CCDC178: variants seen among roughly 807,000 people sequenced by gnomAD.
The protein encoded by CCDC178 is coiled-coil domain-containing protein 178.
Under a neutral mutation model 117.4 loss-of-function variants are expected in CCDC178, and 126 were observed. The ratio of observed to expected loss-of-function variants is 1.07; its 90% CI spans 0.93 to 1.24. The LOEUF (loss-of-function observed/expected upper bound fraction) is 1.24, where lower values mean the gene tolerates loss of function less well. CCDC178 is among the 50% of genes most tolerant of loss of function. The pLI is 0.00. For missense variants in CCDC178, 1,030 were observed against 986.9 expected, an observed-to-expected ratio of 1.04 and a Z score of -0.59; for synonymous variants, 283 against 313.4, an observed-to-expected ratio of 0.90 and a Z score of 1.02.
intron 20 of CCDC178, among the ~76,000 whole-genome samples, chr18:33,155,904 A>C (rs1427509333): frequency 2.0e-5 from 3 of 151,974 alleles, no homozygotes; most frequent in Non-Finnish European, 4.4e-5. Flanking sequence ...TTCATACTTA[A>C]TTGTATATAC....
chr18:33,163,107 T>C (rs2058487292), intron 20 of CCDC178, among the ~76,000 whole-genome samples: 2 of 152,182 alleles, frequency 1.3e-5, no homozygotes, highest in African/African-American at 4.8e-5. Flanking sequence ...ATTTTTTGAC[T>C]TTTTAATAAT....
intron 5 of CCDC178, among the ~76,000 whole-genome samples, chr18:33,388,845 G>A (rs570967158): frequency 1.3e-5 from 2 of 152,040 alleles, no homozygotes; most frequent in Admixed American, 6.5e-5. Context: ...GCAGGGACAT[G>A]GATGAAACTG....
At chr18:33,072,630 G>A (rs1265998169) in intron 21 of CCDC178, among the ~76,000 whole-genome samples, 1 of 152,088 alleles carries the variant, frequency 6.6e-6, no homozygotes, top group Non-Finnish European at 1.5e-5. Flanking sequence ...CATTATTTGT[G>A]TATTGTGTGT....
intron 20 of CCDC178, among the ~76,000 whole-genome samples, chr18:33,177,465 T>C (rs2058677021): frequency 6.6e-6 from 1 of 152,222 alleles, no homozygotes; most frequent in Non-Finnish European, 1.5e-5. Flanking sequence ...GCCAGGACTC[T>C]GTGTGTTCCA....
At chr18:33,068,439 A>C (rs774759318) in intron 21 of CCDC178, among the ~76,000 whole-genome samples, 2 of 152,196 alleles carry the variant, frequency 1.3e-5, no homozygotes, top group African/African-American at 2.4e-5. Context: ...TAGCAAACTC[A>C]ATACAACAAC....
intron 12 of CCDC178, among the ~76,000 whole-genome samples, chr18:33,267,759 A>G (rs889956847): frequency 5.3e-5 from 8 of 151,540 alleles, no homozygotes; most frequent in African/African-American, 1.9e-4. Context: ...AATAGGTAAT[A>G]TATCTTCAAC....
intron 21 of CCDC178, among the ~76,000 whole-genome samples, chr18:33,063,913 T>C (rs1022788014): frequency 6.6e-6 from 1 of 152,090 alleles, no homozygotes; most frequent in Admixed American, 6.6e-5. Context: ...AACTCACAGA[T>C]ACAACTAATG....
chr18:33,424,205 C>A (rs1408596480), intron 2 of CCDC178, among the ~76,000 whole-genome samples: 1 of 151,950 alleles, frequency 6.6e-6, no homozygotes, highest in Non-Finnish European at 1.5e-5. Context: ...TCACTTTATC[C>A]AAATATGCCC....
chr18:33,120,867 C>G (rs542786021), intron 20 of CCDC178, among the ~76,000 whole-genome samples: 1 of 152,032 alleles, frequency 6.6e-6, no homozygotes, highest in Non-Finnish European at 1.5e-5. Flanking sequence ...AGAATGAATA[C>G]TATTCAAGGA....
At position 33,424,171 on chromosome 18, in the gene CCDC178, G is replaced by GT. The variant is rs1452866112; in HGVS notation, c.-22-12062dup. Among the ~76,000 whole-genome samples, 7 of 152,118 alleles carry GT rather than the reference G, an allele frequency of 4.6e-5. No individual in the cohort carries two copies. The South Asian group carries it at 6.2e-4, about 14-fold the overall frequency. On this transcript the variant is annotated intron_variant, in intron 2 of 22. Transcript: ENST00000383096. ...CATATTCACCTGTTTACTTTTACTG[G>GT]TCTTTATCTATAGCTTAGCTGATTC...
chr18:33,428,797 A>G (rs1212573739), intron 2 of CCDC178, among the ~76,000 whole-genome samples: 1 of 150,960 alleles, frequency 6.6e-6, no homozygotes, highest in Non-Finnish European at 1.5e-5. Flanking sequence ...AGTGAGGGTA[A>G]TATAACAGGG....
At chr18:33,049,763 T>C (rs2056711284) in intron 21 of CCDC178, among the ~76,000 whole-genome samples, 1 of 152,108 alleles carries the variant, frequency 6.6e-6, no homozygotes, top group Non-Finnish European at 1.5e-5. Flanking sequence ...CTCAACAGAA[T>C]TGTTTCCTAA....
chr18:33,397,535 A>G (rs1235526022), intron 3 of CCDC178, among the ~76,000 whole-genome samples: 2 of 152,212 alleles, frequency 1.3e-5, no homozygotes, highest in Non-Finnish European at 2.9e-5. Flanking sequence ...GAGAACTTAA[A>G]TGAAGGTTTA....
At position 32,989,466 on chromosome 18, in the gene CCDC178, C is replaced by T. The variant is rs145484189; in HGVS notation, c.2389-14785G>A. 6.4e-4 allele frequency among the ~76,000 whole-genome samples: 97 copies of T among 152,192 alleles called. 2 individuals carry two copies. The East Asian group carries it at 0.017, about 27-fold the overall frequency. ...TGTTTCTGTATACACAGGTTGGCAA[C>T]ATTTTTTTCTGGAAAGAGCTAGATA... is the stretch of plus-strand genomic sequence containing the variant. On this transcript the variant is annotated intron_variant, in intron 21 of 22. Coordinates refer to ENST00000383096, the MANE Select transcript of CCDC178 (RefSeq NM_001105528.4).
At chr18:33,302,088 C>A (rs1376234269) in intron 11 of CCDC178, among the ~76,000 whole-genome samples, 1 of 152,078 alleles carries the variant, frequency 6.6e-6, no homozygotes, top group Non-Finnish European at 1.5e-5. Context: ...TGATTGAGTT[C>A]TCACAAGATC....
At chr18:33,281,191 C>T (rs919288981) in intron 12 of CCDC178, among the ~76,000 whole-genome samples, 3 of 151,708 alleles carry the variant, frequency 2.0e-5, no homozygotes, top group East Asian at 1.9e-4. Flanking sequence ...CAGCATCAAA[C>T]GTATACAAAA....
At chr18:33,104,746 G>A (rs967725315) in intron 20 of CCDC178, among the ~76,000 whole-genome samples, 8 of 151,694 alleles carry the variant, frequency 5.3e-5, no homozygotes, top group Non-Finnish European at 8.8e-5. Context: ...TTCATTACAT[G>A]GCTGCCTTCT....
chr18:33,245,890 T>C (rs1469762168), intron 14 of CCDC178, among the ~76,000 whole-genome samples: 2 of 151,930 alleles, frequency 1.3e-5, no homozygotes, highest in Admixed American at 6.6e-5. Flanking sequence ...TGGGATGTCC[T>C]GTGCATTGTA....
At chr18:33,380,363 C>T (rs368856153) in intron 5 of CCDC178, among the ~76,000 whole-genome samples, 2 of 152,178 alleles carry the variant, frequency 1.3e-5, no homozygotes, top group East Asian at 1.9e-4. Context: ...GACTAACGTG[C>T]CTGTGCAGAC....
Sources: gnomAD v4.1 joint callset for allele counts (sites outside exome capture counted in the v4.1 genomes callset) on GRCh38, gnomAD v4.1.1 for gene constraint, MANE v1.5 for transcripts, NCBI Gene and HGNC (gene_info 2026-07-23, HGNC 2026-07-21) for gene names.